RIMS2: variants seen among roughly 807,000 people sequenced by gnomAD.
RIMS2 encodes regulating synaptic membrane exocytosis protein 2.
Under a neutral mutation model 174.4 loss-of-function variants are expected in RIMS2, and 59 were observed. The ratio of observed to expected loss-of-function variants is 0.34; its 90% CI spans 0.27 to 0.42. The LOEUF is 0.42. Among genes scored for constraint, RIMS2 ranks in the 10% least tolerant of loss-of-function variants. RIMS2 has a pLI of 1.00. For synonymous variants in RIMS2, 606 were observed against 572.5 expected (o/e 1.06, Z -0.84); for missense variants, 1,620 against 1,666.3 (o/e 0.97, Z 0.48).
chr8:103,842,696 C>G (rs1474643342), intron 3 of RIMS2, among the ~76,000 whole-genome samples: 1 of 152,136 alleles, frequency 6.6e-6, no homozygotes, highest in Non-Finnish European at 1.5e-5. Context: ...TGATTTCTTT[C>G]ATATTGTCCT....
At chr8:104,017,906 T>C (rs959656881) in intron 19 of RIMS2, among the ~76,000 whole-genome samples, 2 of 151,846 alleles carry the variant, frequency 1.3e-5, no homozygotes, top group South Asian at 2.1e-4. Context: ...TGAAACCCCA[T>C]CGCTATAAAA....
intron 1 of RIMS2, among the ~76,000 whole-genome samples, chr8:103,656,276 AC>A (rs1363029428): frequency 6.6e-6 from 1 of 152,136 alleles, no homozygotes; most frequent in East Asian, 1.9e-4. Flanking sequence ...ACTAAAACTT[AC>A]ATTTTGAACT....
chr8:103,552,832 C>G (rs1410164368), intron 1 of RIMS2, among the ~76,000 whole-genome samples: 3 of 152,074 alleles, frequency 2.0e-5, no homozygotes, highest in African/African-American at 4.8e-5. Context: ...GCAGCCAAAA[C>G]ACACATGAAA....
At chr8:103,915,495 G>A in exon 7 of RIMS2, 1 of 1,580,770 alleles carries the variant, frequency 6.3e-7, no homozygotes, top group Admixed American at 1.7e-5. Flanking sequence ...TTTTAAACAG[G>A]TTGTAGGAGG....
rs746009960 is a variant in RIMS2, at chr8:104,248,931, C to CTCTT, written c.3589+119_3589+120insCTTT. 3.2e-5 allele frequency: 16 copies of CTCTT among 499,114 alleles called. No homozygotes were observed. The African/African-American group carries it at 3.3e-4, about 10-fold the overall frequency. The allele number at this position is 499,114 out of a possible 1,614,324, so 30.9% of individuals were successfully genotyped here. ...TCTCTCTTTCCCTCTCTCTCTCCCT[C>CTCTT]TATTTTTTTTTTTTTAAGACAGAGT... On this transcript the variant is annotated intron_variant, in intron 21 of 23. Coordinates refer to ENST00000504942, the Ensembl canonical transcript of RIMS2.
In RIMS2 at chr8:104,095,184, T is replaced by G. The variant is rs117351495; in HGVS notation, c.3334+80569T>G. On this transcript the variant is annotated intron_variant, in intron 19 of 23. Coordinates refer to ENST00000504942, the Ensembl canonical transcript of RIMS2. ...ATTGAGCTTACTTTACAAGAAATAT[T>G]ATTTCCTGGAAACAAACTTCAAAAA... 2.7e-4 allele frequency among the ~76,000 whole-genome samples: 41 copies of G among 152,294 alleles called. No homozygotes were observed. In the East Asian group the frequency reaches 7.7e-3, roughly 29 times the overall value.
At chr8:103,506,159 T>A (rs1014847497) in intron 1 of RIMS2, among the ~76,000 whole-genome samples, 1 of 151,964 alleles carries the variant, frequency 6.6e-6, no homozygotes, top group Non-Finnish European at 1.5e-5. Flanking sequence ...TTTTAAGGAT[T>A]CAAAATGCAT....
intron 1 of RIMS2, among the ~76,000 whole-genome samples, chr8:103,608,665 T>C (rs1319404636): frequency 1.3e-5 from 2 of 151,748 alleles, no homozygotes; most frequent in African/African-American, 4.9e-5. Context: ...TAGGACCCTC[T>C]GAGCCATGTG....
intron 3 of RIMS2, among the ~76,000 whole-genome samples, chr8:103,787,926 G>A (rs1047976849): frequency 1.3e-5 from 2 of 151,960 alleles, no homozygotes; most frequent in East Asian, 1.9e-4. Flanking sequence ...CGTAGATTTG[G>A]TCTTTTCACA....
chr8:104,195,369 A>G (rs889477575), intron 19 of RIMS2, among the ~76,000 whole-genome samples: 5 of 152,160 alleles, frequency 3.3e-5, no homozygotes, highest in Non-Finnish European at 7.3e-5. Flanking sequence ...CAGAATTAGG[A>G]GCAAGTTTGA....
At chr8:103,982,456 G>A (rs1393347103) in intron 16 of RIMS2, among the ~76,000 whole-genome samples, 44 of 132,550 alleles carry the variant, frequency 3.3e-4, no homozygotes, top group Non-Finnish European at 5.8e-4. Context: ...AAAAACTACA[G>A]ACCAATATCT....
chr8:103,641,331 A>T (rs769850629), intron 1 of RIMS2, among the ~76,000 whole-genome samples: 6 of 152,162 alleles, frequency 3.9e-5, no homozygotes, highest in Non-Finnish European at 7.4e-5. Context: ...AATCAGTGTC[A>T]TTGGGATGCT....
intron 1 of RIMS2, among the ~76,000 whole-genome samples, chr8:103,662,674 CTAT>C (rs1564196974): frequency 7.3e-4 from 30 of 40,968 alleles, no homozygotes; most frequent in African/African-American, 2.4e-3. Flanking sequence ...TCAGAAGAGT[CTAT>C]CTATCTATCT....
chr8:103,709,180 G>T (rs1176463076), intron 2 of RIMS2, among the ~76,000 whole-genome samples: 1 of 151,948 alleles, frequency 6.6e-6, no homozygotes, highest in Admixed American at 6.6e-5. Context: ...TTTATGACTA[G>T]AACTTTAATT....
intron 14 of RIMS2, among the ~76,000 whole-genome samples, chr8:103,960,704 T>C (rs6998869): frequency 0.13 from 19,291 of 152,180 alleles, 1,689 homozygotes; most frequent in Non-Finnish European, 0.19. Flanking sequence ...TCTTTGTCCA[T>C]AAGCATCTAA....
At chr8:104,096,504 A>C (rs1320806843) in intron 19 of RIMS2, among the ~76,000 whole-genome samples, 1 of 152,200 alleles carries the variant, frequency 6.6e-6, no homozygotes, top group Non-Finnish European at 1.5e-5. Context: ...AAACTAGAGG[A>C]GGCCAGGTTG....
At chr8:103,571,604 G>A (rs1277676250) in intron 1 of RIMS2, among the ~76,000 whole-genome samples, 6 of 152,130 alleles carry the variant, frequency 3.9e-5, no homozygotes, top group Admixed American at 3.9e-4. Flanking sequence ...CCTACTATAT[G>A]TGTATATATG....
chr8:103,877,847 G>C, intron 3 of RIMS2, among the ~76,000 whole-genome samples: 1 of 151,636 alleles, frequency 6.6e-6, no homozygotes, highest in African/African-American at 2.4e-5. Context: ...TAATGATATT[G>C]ATTCTTCCAA....
At chr8:103,746,564 A>G (rs1313384562) in intron 2 of RIMS2, among the ~76,000 whole-genome samples, 1 of 152,120 alleles carries the variant, frequency 6.6e-6, no homozygotes, top group Admixed American at 6.5e-5. Flanking sequence ...TATTAAGCCT[A>G]GTATCCATTA....
Sources: allele counts gnomAD v4.1 joint callset (sites outside exome capture counted in the v4.1 genomes callset), GRCh38; gene constraint gnomAD v4.1.1; transcripts MANE v1.5; gene names NCBI Gene and HGNC (gene_info 2026-07-23, HGNC 2026-07-21).